KIF26B: variants seen among roughly 807,000 people sequenced by gnomAD.
The protein encoded by KIF26B is kinesin-like protein KIF26B.
A neutral mutation model predicts 151.2 loss-of-function variants in KIF26B; 63 were observed. That is an observed-to-expected ratio of 0.42 (90% CI 0.34 to 0.51). The LOEUF (loss-of-function observed/expected upper bound fraction) is 0.51, where lower values mean the gene tolerates loss of function less well. Ranked by LOEUF, KIF26B falls within the 20% of genes least tolerant of loss-of-function variation. KIF26B has a pLI of 0.07. For missense variants in KIF26B, 2,813 were observed against 2,913.6 expected (o/e 0.97, Z 0.79); for synonymous variants, 1,357 against 1,262.1 (o/e 1.08, Z -1.59).
chr1:245,692,679 G>T (rs576247187), intron 12 of KIF26B, among the ~76,000 whole-genome samples: 4 of 152,260 alleles, frequency 2.6e-5, no homozygotes, highest in African/African-American at 9.6e-5. Context: ...TACAAGAACA[G>T]TACACATTAT....
rs1485422007 is a variant in KIF26B, at chr1:245,158,860, GT to G, written c.465+2178del. Among the ~76,000 whole-genome samples the G allele has an allele frequency of 9.2e-4, 45 of 48,670 alleles. 1 individual carries two copies. The highest frequency in any genetic ancestry group is 1.3e-3 in the African/African-American group (24 of 18,044). The allele number at this position is 48,670 out of a possible 152,430, so 31.9% of individuals were successfully genotyped here. A position where few individuals can be genotyped will look rare whatever the true frequency, so the allele number is the denominator to read the frequency against. ...TAATTGTGTGTGTGTGTGTGTGTGTGTGTGTGTGTGGTGTGTGTTTTAAGCA... is the reference window on the plus strand; with the variant it reads ...TAATTGTGTGTGTGTGTGTGTGTGTGGTGTGTGTGGTGTGTGTTTTAAGCA... On this transcript the variant is annotated intron_variant, in intron 2 of 14. Coordinates refer to ENST00000407071, the MANE Select transcript of KIF26B (RefSeq NM_018012.4).
At chr1:245,578,320 T>A (rs1348701133) in intron 5 of KIF26B, among the ~76,000 whole-genome samples, 3 of 152,246 alleles carry the variant, frequency 2.0e-5, no homozygotes, top group African/African-American at 7.2e-5. Flanking sequence ...TGAATGGGAC[T>A]CGTTCTCAGC....
At chr1:245,494,072 G>A (rs886442993) in intron 4 of KIF26B, among the ~76,000 whole-genome samples, 1 of 152,098 alleles carries the variant, frequency 6.6e-6, no homozygotes, top group Non-Finnish European at 1.5e-5. Context: ...GGGAGGCCGA[G>A]GTGGGTGGAT....
intron 9 of KIF26B, among the ~76,000 whole-genome samples, chr1:245,629,785 A>T (rs1400700758): frequency 6.6e-6 from 1 of 152,198 alleles, no homozygotes; most frequent in Non-Finnish European, 1.5e-5. Context: ...CAGCAAAAGA[A>T]ACTAGCATCA....
chr1:245,377,291 C>T (rs775944290), intron 3 of KIF26B, among the ~76,000 whole-genome samples: 22 of 152,206 alleles, frequency 1.4e-4, no homozygotes, highest in Non-Finnish European at 2.2e-4. Context: ...GTCGGCCGTG[C>T]TGTGCTTCCT....
At chr1:245,661,800 C>A (rs2044144101) in intron 10 of KIF26B, among the ~76,000 whole-genome samples, 1 of 133,474 alleles carries the variant, frequency 7.5e-6, no homozygotes, top group Non-Finnish European at 1.6e-5. Flanking sequence ...TACACACACA[C>A]AATATATATA....
At chr1:245,568,984 T>C (rs2043037861) in intron 5 of KIF26B, among the ~76,000 whole-genome samples, 2 of 152,220 alleles carry the variant, frequency 1.3e-5, no homozygotes, top group Non-Finnish European at 2.9e-5. Flanking sequence ...AGGTTTAAGA[T>C]GATGAACATG....
chr1:245,387,924 G>T (rs1466218688), intron 3 of KIF26B, among the ~76,000 whole-genome samples: 1 of 152,162 alleles, frequency 6.6e-6, no homozygotes, highest in Non-Finnish European at 1.5e-5. Context: ...AACGTTCACA[G>T]TCCTGGGCTG....
intron 4 of KIF26B, among the ~76,000 whole-genome samples, chr1:245,501,708 A>T (rs1660624725): frequency 1.3e-5 from 2 of 152,250 alleles, no homozygotes; most frequent in Admixed American, 1.3e-4. Context: ...AAACAAATGC[A>T]TTCTTGCTAA....
At chr1:245,482,490 A>C (rs1297729751) in intron 4 of KIF26B, among the ~76,000 whole-genome samples, 3 of 151,888 alleles carry the variant, frequency 2.0e-5, no homozygotes, top group Non-Finnish European at 4.4e-5. Flanking sequence ...ATATGATAAC[A>C]CAAAGGACTG....
intron 4 of KIF26B, among the ~76,000 whole-genome samples, chr1:245,526,573 C>T (rs1280594638): frequency 6.6e-6 from 1 of 152,180 alleles, no homozygotes; most frequent in Non-Finnish European, 1.5e-5. Context: ...GAAATTACTT[C>T]CTCTAGCAAA....
chr1:245,629,348 A>G (rs548329484), intron 9 of KIF26B, among the ~76,000 whole-genome samples: 14 of 152,324 alleles, frequency 9.2e-5, no homozygotes, highest in East Asian at 1.9e-4. Context: ...TTCAAACTAT[A>G]CTACAAGGCT....
rs546713873 is a variant in KIF26B, at chr1:245,479,464, G to A, written c.1166+59719G>A. On this transcript the variant is annotated intron_variant, in intron 4 of 14. Transcript: ENST00000407071. ...TTTTTGTTAGCTCTTTTCTGATTAT[G>A]CTTTCAGAGTTTTTTTGTTGTTGTT... Among the ~76,000 whole-genome samples the A allele has an allele frequency of 1.0e-3, 159 of 151,726 alleles. 4 individuals carry two copies. The highest frequency in any genetic ancestry group is 2.0e-3 in the Non-Finnish European group (136 of 67,808).
At chr1:245,299,864 A>C (rs1018739657) in intron 2 of KIF26B, among the ~76,000 whole-genome samples, 1 of 152,160 alleles carries the variant, frequency 6.6e-6, no homozygotes, top group Non-Finnish European at 1.5e-5. Flanking sequence ...TACTGTAGTA[A>C]CTCTCATGAC....
intron 4 of KIF26B, among the ~76,000 whole-genome samples, chr1:245,517,736 G>A (rs971183710): frequency 5.9e-5 from 9 of 152,174 alleles, no homozygotes; most frequent in African/African-American, 2.2e-4. Flanking sequence ...CTGCTTCGGA[G>A]GGAAGGAGTC....
chr1:245,525,884 C>T lies in KIF26B; in HGVS notation c.1167-14883C>T, dbSNP rs1572106347. On this transcript the variant is annotated intron_variant, in intron 4 of 14. Transcript: ENST00000407071. ...GTAAAGTTGAGATAGTATTTTAAAC[C>T]TATCTGAGTACTTAAAATAATGTAA... is the stretch of plus-strand genomic sequence containing the variant. Among the ~76,000 whole-genome samples, 3 of 152,026 alleles carry T rather than the reference C, an allele frequency of 2.0e-5. 1 individual carries two copies. The highest frequency in any genetic ancestry group is 4.2e-4 in the South Asian group (2 of 4,806).
At chr1:245,582,231 G>A (rs1322196672) in intron 5 of KIF26B, among the ~76,000 whole-genome samples, 3 of 152,106 alleles carry the variant, frequency 2.0e-5, no homozygotes, top group Non-Finnish European at 2.9e-5. Flanking sequence ...CCACGTGCCC[G>A]TCAAGGGGGT....
intron 5 of KIF26B, among the ~76,000 whole-genome samples, chr1:245,557,767 G>A (rs1662073904): frequency 1.3e-5 from 2 of 152,128 alleles, no homozygotes; most frequent in African/African-American, 4.8e-5. Context: ...AAGCACAGGT[G>A]AGCTACAGTA....
rs563946822 is a variant in KIF26B at position 245,292,209 on chromosome 1, A to T, written c.466-74625A>T. 8.3e-4 allele frequency among the ~76,000 whole-genome samples: 127 copies of T among 152,326 alleles called. No individual in the cohort carries two copies. In the South Asian group the frequency reaches 0.017, roughly 21 times the overall value. The stretch of plus-strand genomic sequence containing the variant: ...CACTAAAGTTACTGAGAACCTTGTC[A>T]TGGTATTTGTTCAAATCTTGAGTGT... On this transcript the variant is annotated intron_variant, in intron 2 of 14. Coordinates refer to ENST00000407071, the MANE Select transcript of KIF26B (RefSeq NM_018012.4).
Sources: allele counts gnomAD v4.1 joint callset (sites outside exome capture counted in the v4.1 genomes callset), GRCh38; gene constraint gnomAD v4.1.1; transcripts MANE v1.5; gene names NCBI Gene and HGNC (gene_info 2026-07-23, HGNC 2026-07-21).